Variants in EPS8L2 observed in about 807,000 individuals in gnomAD.
EPS8L2 encodes epidermal growth factor receptor kinase substrate 8-like protein 2.
In EPS8L2, 81 loss-of-function variants were observed where a neutral mutation model predicts 99.4. The observed-to-expected ratio is 0.82, with a 90% confidence interval of 0.68 to 0.98. EPS8L2 has a LOEUF of 0.98. EPS8L2 is among the 50% of genes least tolerant of loss of function. EPS8L2 has a pLI of 0.00. For synonymous variants in EPS8L2, 509 were observed against 407.3 expected (o/e 1.25, Z -3.01); for missense variants, 1,155 against 968.8 (o/e 1.19, Z -2.55).
At position 721,052 on chromosome 11, in the gene EPS8L2, C is replaced by T. The variant is rs1200075371; in HGVS notation, c.558-12C>T. On this transcript the variant is annotated splice_polypyrimidine_tract_variant and intron_variant, in intron 7 of 20. Coordinates refer to ENST00000318562, the MANE Select transcript of EPS8L2 (RefSeq NM_022772.4). ...TCCCGGCGGGGCTGAGCAGGACCCCCTCGCCCTCCAGGGGACACCAGGAGA... is the reference window on the plus strand; with the variant it reads ...TCCCGGCGGGGCTGAGCAGGACCCCTTCGCCCTCCAGGGGACACCAGGAGA... 1.5e-6 allele frequency: 2 copies of T among 1,377,110 alleles called. No homozygotes were observed. Among genetic ancestry groups the T allele is most frequent in the Non-Finnish European group, 9.5e-7 (1 of 1,052,208 alleles). The allele number at this position is 1,377,110 out of a possible 1,614,324, so 85.3% of individuals were successfully genotyped here.
intron 7 of EPS8L2, 67 bp from the exon 8 acceptor site, chr11:720,997 A>AGCCCGGCAGGGGAGGGGAGGC: frequency 3.5e-6 from 5 of 1,434,832 alleles, no homozygotes; most frequent in Non-Finnish European, 4.7e-6. Context: ...GGAGGGGAGG[A>AGCCCGGCAGGGGAGGGGAGGC]GCCCGGCAGG....
chr11:725,083 T>C (rs1025041704), intron 16 of EPS8L2, among the ~76,000 whole-genome samples: 15 of 152,322 alleles, frequency 9.8e-5, no homozygotes, highest in Admixed American at 4.6e-4. Context: ...GGGGAGCATC[T>C]GCACCACGTG....
chr11:709,137 G>A, intron 1 of EPS8L2, 193 bp from the exon 2 acceptor site: 1 of 594,362 alleles, frequency 1.7e-6, no homozygotes, highest in South Asian at 2.0e-5. Flanking sequence ...TCTGAGGCAT[G>A]ACGAGGCTGA....
At chr11:722,051 C>T (rs1342711668) in intron 11 of EPS8L2, 40 bp from the exon 12 acceptor site, 6 of 1,607,726 alleles carry the variant, frequency 3.7e-6, no homozygotes, top group African/African-American at 1.3e-5. Flanking sequence ...GTGGAGGCCC[C>T]GCCCCGCCCC....
At chr11:714,609 T>A (rs1396143862) in intron 4 of EPS8L2, among the ~76,000 whole-genome samples, 3 of 149,312 alleles carry the variant, frequency 2.0e-5, no homozygotes, top group Non-Finnish European at 4.5e-5. Flanking sequence ...TTTTATTTTA[T>A]TTTATTTTAT....
Position 726,279 on chromosome 11 carries a change from G to A in EPS8L2, c.1754-25G>A, listed in dbSNP as rs777513930. On this transcript the variant is annotated intron_variant, in intron 18 of 20. Coordinates refer to ENST00000318562, the MANE Select transcript of EPS8L2 (RefSeq NM_022772.4). ...GCGGGGGCAGGGGCAAGGCAGCGGCGGGCCTGAGTCGCGCGCCCCCTCAGA... is the reference window on the plus strand; with the variant it reads ...GCGGGGGCAGGGGCAAGGCAGCGGCAGGCCTGAGTCGCGCGCCCCCTCAGA... 5 of 1,590,650 alleles carry A rather than the reference G, an allele frequency of 3.1e-6. No homozygotes were observed. The East Asian group carries it at 9.1e-5, about 29-fold the overall frequency.
intron 12 of EPS8L2, 57 bp downstream of exon 12, chr11:722,222 C>T (rs1044924605): frequency 1.7e-5 from 27 of 1,581,706 alleles, no homozygotes; most frequent in Admixed American, 3.4e-5. Context: ...GCCTCTGCAG[C>T]ATCTCCCCGG....
At position 721,630 on chromosome 11, in the gene EPS8L2, G is replaced by A. The variant is rs763161283; in HGVS notation, c.834G>A (p.Glu278=). The change falls in exon 10 of 21, where the codon GAG becomes GAA. Residue 278 remains glutamate, a synonymous_variant. Transcript: ENST00000318562. ...WFVARLQKAA[E]AFKQLNQRKK... ...TGGCCCGGCTGCAGAAGGCAGCCGA[G>A]GCTTTCAAGCAGCTGAACCAGCGGA... 1 of 1,575,866 alleles carries A rather than the reference G, an allele frequency of 6.3e-7. No homozygotes were observed.
In EPS8L2 at chr11:714,070, G is replaced by A. The variant is rs532145103; in HGVS notation, c.165+3584G>A. On this transcript the variant is annotated intron_variant, in intron 4 of 20. Coordinates refer to ENST00000318562, the MANE Select transcript of EPS8L2 (RefSeq NM_022772.4). ...TTGATAAGTGGAAATTAATTTTTAT[G>A]ATGTCCATTCGTATGTGTTTTTCTT... Among the ~76,000 whole-genome samples the A allele has an allele frequency of 2.5e-4, 38 of 152,268 alleles. No homozygotes were observed. The South Asian group carries it at 7.9e-3, about 32-fold the overall frequency.
chr11:726,499 G>C lies in EPS8L2; in HGVS notation c.1934+15G>C. ...TTCAGCCCGCGGTGAGCGGGGGCGG[G>C]GGATGAGCTGGGGCCCGGGCGAGGG... is the stretch of plus-strand genomic sequence containing the variant. On this transcript the variant is annotated intron_variant, in intron 19 of 20. Coordinates refer to ENST00000318562, the MANE Select transcript of EPS8L2 (RefSeq NM_022772.4). 6.5e-7 allele frequency: 1 copy of C among 1,540,206 alleles called. No homozygotes were observed. Among genetic ancestry groups the C allele is most frequent in the Non-Finnish European group, 8.8e-7 (1 of 1,142,380 alleles).
rs976290210 is a variant in EPS8L2 at position 724,239 on chromosome 11, C to T, written c.1455-485C>T. 2.0e-5 allele frequency among the ~76,000 whole-genome samples: 3 copies of T among 152,178 alleles called. No homozygotes were observed. The highest frequency in any genetic ancestry group is 6.5e-5 in the Admixed American group (1 of 15,282). On this transcript the variant is annotated intron_variant, in intron 15 of 20. Coordinates refer to ENST00000318562, the MANE Select transcript of EPS8L2 (RefSeq NM_022772.4). This position sits in a 1 kb window ranked among gnomAD's most constrained non-coding sequence, Gnocchi z 5.5. ...CCCTCAGCCAGGGCCAGCCCCCCCG[C>T]GCTTTTGAGGTGCAGGTCCCACCCC...
rs1285653475 is a variant in EPS8L2, at chr11:726,240, T to A, written c.1754-64T>A. 4.6e-6 allele frequency: 7 copies of A among 1,529,988 alleles called. No homozygotes were observed. The African/African-American group carries it at 9.8e-5, about 21-fold the overall frequency. 94.8% of individuals were successfully genotyped at this position (1,529,988 alleles called of 1,614,324 possible). A position where few individuals can be genotyped will look rare whatever the true frequency, so the allele number is the denominator to read the frequency against. On this transcript the variant is annotated intron_variant, in intron 18 of 20. Transcript: ENST00000318562. ...CCTGGGGGAGGAAGTGTGGGGGGGG[T>A]CCCTGGGCCGGGGGCGGGGGCAGGG...
rs570982689 is a variant in EPS8L2, at chr11:721,315, C to T, written c.731C>T (p.Pro244Leu). ...GFRRRESQEE[P>L]RAVLAQKIEK... ...CGCCGTCGGGAGTCGCAGGAGGAGC[C>T]GCGGGCCGTGCTGGCTCAGAAGATA... is the stretch of plus-strand genomic sequence containing the variant. The change falls in exon 9 of 21, where the codon CCG becomes CTG. Residue 244 changes from proline to leucine, a missense_variant. Transcript: ENST00000318562. 5.6e-5 allele frequency: 86 copies of T among 1,539,802 alleles called. No homozygotes were observed. The African/African-American group carries it at 1.1e-3, about 19-fold the overall frequency.
rs1221036277 is a variant in EPS8L2, at chr11:725,910, C to T, written c.1680+63C>T. ...CTTCCTGGAGCAGCCCCGCCTGCGC[C>T]TAGCCCCGCCCCAAGGCCAGCCCCG... On this transcript the variant is annotated intron_variant, in intron 17 of 20. Coordinates refer to ENST00000318562, the MANE Select transcript of EPS8L2 (RefSeq NM_022772.4). The T allele has an allele frequency of 2.2e-6, 3 of 1,377,922 alleles. No homozygotes were observed. In the East Asian group the frequency reaches 8.8e-5, roughly 40 times the overall value. The allele number at this position is 1,377,922 out of a possible 1,614,324, so 85.4% of individuals were successfully genotyped here. A position where few individuals can be genotyped will look rare whatever the true frequency, so the allele number is the denominator to read the frequency against.
intron 4 of EPS8L2, 86 bp downstream of exon 4, chr11:710,572 T>C: frequency 7.9e-7 from 1 of 1,263,372 alleles, no homozygotes; most frequent in Middle Eastern, 1.9e-4. Flanking sequence ...CCACAAAAAA[T>C]AAAATAATTA....
chr11:726,595 T>TGACGCCCAACTGCCCGCCCCC (rs1187465776), intron 19 of EPS8L2, 24 bp from the exon 20 acceptor site: 1 of 1,538,528 alleles, frequency 6.5e-7, no homozygotes, highest in African/African-American at 1.4e-5. Flanking sequence ...AGCGCGGCCC[T>TGACGCCCAACTGCCCGCCCCC]GACGCCCAAC....
chr11:723,159 G>C, intron 14 of EPS8L2, 82 bp from the exon 15 acceptor site: 1 of 719,128 alleles, frequency 1.4e-6, no homozygotes, highest in Non-Finnish European at 2.5e-6. Context: ...CAGGACATTA[G>C]CCCAGCCCCT....
chr11:707,944 C>G (rs1374243566), intron 1 of EPS8L2, among the ~76,000 whole-genome samples: 1 of 152,300 alleles, frequency 6.6e-6, no homozygotes, highest in African/African-American at 2.4e-5. Flanking sequence ...CGTGAACATT[C>G]CAGACATTCT....
At chr11:711,596 C>A (rs570821610) in intron 4 of EPS8L2, among the ~76,000 whole-genome samples, 45 of 152,152 alleles carry the variant, frequency 3.0e-4, no homozygotes, top group Non-Finnish European at 4.6e-4. Context: ...AATCCTCCCC[C>A]CTCCTAGCCA....
Sources: allele counts gnomAD v4.1 joint callset (sites outside exome capture counted in the v4.1 genomes callset), GRCh38; gene constraint gnomAD v4.1.1; non-coding constraint Gnocchi (gnomAD v3.1); transcripts MANE v1.5; gene names NCBI Gene and HGNC (gene_info 2026-07-23, HGNC 2026-07-21).